PITRM1: variants seen among roughly 807,000 people sequenced by gnomAD.
PITRM1 encodes presequence protease, mitochondrial.
Under a neutral mutation model 129.9 loss-of-function variants are expected in PITRM1, and 100 were observed. That is an observed-to-expected ratio of 0.77 (90% CI 0.65 to 0.91). The LOEUF (loss-of-function observed/expected upper bound fraction) is 0.91. Among genes scored for constraint, PITRM1 ranks in the 40% least tolerant of loss-of-function variants. The pLI is 0.00. For synonymous variants in PITRM1, 591 were observed against 508.8 expected, an observed-to-expected ratio of 1.16 and a Z score of -2.17; for missense variants, 1,471 against 1,318.3, an observed-to-expected ratio of 1.12 and a Z score of -1.79.
At chr10:3,156,196 A>G (rs886502769) in intron 13 of PITRM1, among the ~76,000 whole-genome samples, 3 of 152,234 alleles carry the variant, frequency 2.0e-5, no homozygotes, top group African/African-American at 7.2e-5. Flanking sequence ...AAGTTATTAG[A>G]ACAAAATACA....
At chr10:3,150,338 G>C (rs920247137) in intron 15 of PITRM1, among the ~76,000 whole-genome samples, 9 of 152,142 alleles carry the variant, frequency 5.9e-5, no homozygotes, top group Admixed American at 2.0e-4. Flanking sequence ...TGAGATTCAC[G>C]GACAAAAACT....
At chr10:3,158,258 C>A in intron 10 of PITRM1, 105 bp from the exon 11 acceptor site, 1 of 682,868 alleles carries the variant, frequency 1.5e-6, no homozygotes. Flanking sequence ...TAAACTCCAG[C>A]CCCTCCACTG....
chr10:3,169,509 A>G (rs1236485875), intron 2 of PITRM1, among the ~76,000 whole-genome samples: 1 of 152,242 alleles, frequency 6.6e-6, no homozygotes, highest in African/African-American at 2.4e-5. Flanking sequence ...TTGCTATAAC[A>G]TCAAGCATAG....
chr10:3,167,256 A>ATG (rs932408626), intron 2 of PITRM1, among the ~76,000 whole-genome samples: 14 of 138,324 alleles, frequency 1.0e-4, no homozygotes, highest in South Asian at 2.7e-4. Context: ...AGATGAGAAT[A>ATG]TGTGTGTGTG....
intron 6 of PITRM1, among the ~76,000 whole-genome samples, 198 bp downstream of exon 6, chr10:3,165,040 T>C (rs1318292397): frequency 6.6e-6 from 1 of 152,230 alleles, no homozygotes; most frequent in Non-Finnish European, 1.5e-5. Context: ...TCCCCAGACA[T>C]GGTCTGAGAC....
chr10:3,151,438 T>A, intron 14 of PITRM1, 75 bp from the exon 15 acceptor site: 1 of 892,906 alleles, frequency 1.1e-6, no homozygotes, highest in Non-Finnish European at 1.8e-6. Flanking sequence ...TCCTATGTTA[T>A]TATCTTAACA....
intron 13 of PITRM1, among the ~76,000 whole-genome samples, chr10:3,156,669 T>C (rs1388863328): frequency 6.6e-6 from 1 of 151,722 alleles, no homozygotes; most frequent in Non-Finnish European, 1.5e-5. Flanking sequence ...AAGAACAATA[T>C]ATGCAGATGT....
intron 6 of PITRM1, 32 bp downstream of exon 6, chr10:3,165,206 T>C: frequency 7.0e-7 from 1 of 1,433,974 alleles, no homozygotes; most frequent in South Asian, 1.3e-5. Context: ...AAAGGTAAGC[T>C]GAACACAACA....
rs1190673824 is a variant in PITRM1 at position 3,141,558 on chromosome 10, T to C, written c.2646-746A>G. 2.3e-5 allele frequency: 8 copies of C among 354,176 alleles called. No individual in the cohort carries two copies. The Admixed American group carries it at 2.9e-4, about 13-fold the overall frequency. The allele number at this position is 354,176 out of a possible 1,614,324, so 21.9% of individuals were successfully genotyped here. On this transcript the variant is annotated intron_variant, in intron 23 of 26. Transcript: ENST00000224949. ...GCACATTTCTAGGAACAGGGCCAAT[T>C]TCCTCTGCCTTCCACTGTGAACGGT...
intron 24 of PITRM1, among the ~76,000 whole-genome samples, chr10:3,140,406 G>A (rs2131808297): frequency 6.6e-6 from 1 of 152,248 alleles, no homozygotes; most frequent in South Asian, 2.1e-4. Flanking sequence ...ACCATGGAAG[G>A]CAAACCCACG....
intron 24 of PITRM1, among the ~76,000 whole-genome samples, chr10:3,140,474 A>C (rs1329754334): frequency 6.6e-6 from 1 of 152,198 alleles, no homozygotes; most frequent in African/African-American, 2.4e-5. Context: ...GGTTTACTGA[A>C]GGCAGAATGC....
chr10:3,148,397 T>C, intron 16 of PITRM1, 106 bp from the exon 17 acceptor site: 1 of 1,406,586 alleles, frequency 7.1e-7, no homozygotes, highest in Non-Finnish European at 9.6e-7. Flanking sequence ...ATTCAATAAC[T>C]GCGGCTTTGC....
intron 21 of PITRM1, 151 bp downstream of exon 21, chr10:3,145,445 C>T: frequency 1.5e-6 from 1 of 666,214 alleles, no homozygotes; most frequent in South Asian, 1.9e-5. Flanking sequence ...ATACTTAATC[C>T]TCCTGAACCT....
intron 2 of PITRM1, among the ~76,000 whole-genome samples, chr10:3,167,282 AG>A (rs1842948805): frequency 1.4e-4 from 11 of 79,256 alleles, no homozygotes; most frequent in African/African-American, 3.9e-4. Flanking sequence ...AGAAAGAGAG[AG>A]AGAGCGAGCG....
In PITRM1 at chr10:3,166,218, G is replaced by T. The variant is rs758811492; in HGVS notation, c.418+11C>A. On this transcript the variant is annotated intron_variant, in intron 4 of 26. Coordinates refer to ENST00000224949, the MANE Select transcript of PITRM1 (RefSeq NM_014889.4). The stretch of plus-strand genomic sequence containing the variant: ...CCCAAAAGCAGTTTCTGTTCAGGAT[G>T]CTGGTCTTACCTGTGAAGGCGTTCA... 3.1e-6 allele frequency: 5 copies of T among 1,597,984 alleles called. No individual in the cohort carries two copies. Among genetic ancestry groups the T allele is most frequent in the African/African-American group, 2.7e-5 (2 of 74,294 alleles).
chr10:3,159,406 A>C (rs1842252689), intron 9 of PITRM1, among the ~76,000 whole-genome samples: 1 of 152,234 alleles, frequency 6.6e-6, no homozygotes, highest in Non-Finnish European at 1.5e-5. Flanking sequence ...CCAGAGCCCA[A>C]GCCTTCCCTT....
intron 15 of PITRM1, 127 bp downstream of exon 15, chr10:3,151,115 TATGAA>T: frequency 1.6e-6 from 1 of 640,714 alleles, no homozygotes; most frequent in South Asian, 1.7e-5. Flanking sequence ...AGAGCGAGAC[TATGAA>T]CGCACAGGGC....
At position 3,138,945 on chromosome 10, in the gene PITRM1, A is replaced by G; in HGVS notation, c.2876T>C (p.Val959Ala). The G allele has an allele frequency of 6.2e-7, 1 of 1,613,982 alleles. No individual in the cohort carries two copies. Among genetic ancestry groups the G allele is most frequent in the Non-Finnish European group, 8.5e-7 (1 of 1,179,856 alleles). ...GACAGGAGCATCTACGGTTGAGAAGACAGAAAGTTTGGCTTCGTCGATGTC... is the reference window on the plus strand; with the variant it reads ...GACAGGAGCATCTACGGTTGAGAAGGCAGAAAGTTTGGCTTCGTCGATGTC... ...QQDIDEAKLS[V>A]FSTVDAPVAP... is the part of the protein sequence containing the mutation. Residue 959 changes from valine (V) to alanine (A), a missense_variant, in exon 25 of 27, where the codon GTC becomes GCC. Val to Ala is a moderately conservative substitution (Grantham distance 64, BLOSUM62 0). Coordinates refer to ENST00000224949, the MANE Select transcript of PITRM1 (RefSeq NM_014889.4).
chr10:3,163,032 T>C (rs541631679), intron 7 of PITRM1: 4 of 152,362 alleles, frequency 2.6e-5, no homozygotes, highest in Non-Finnish European at 5.9e-5. Flanking sequence ...TACGGGCAAA[T>C]GATCATGACG....
Sources: gnomAD v4.1 joint callset for allele counts (sites outside exome capture counted in the v4.1 genomes callset) on GRCh38, gnomAD v4.1.1 for gene constraint, MANE v1.5 for transcripts, NCBI Gene and HGNC (gene_info 2026-07-23, HGNC 2026-07-21) for gene names.